Variants in UBL3 observed in about 807,000 individuals in gnomAD.
The protein encoded by UBL3 is ubiquitin-like protein 3.
Under a neutral mutation model 18.4 loss-of-function variants are expected in UBL3, and 6 were observed. That is an observed-to-expected ratio of 0.33 (90% CI 0.18 to 0.64). The LOEUF is 0.64. Ranked by LOEUF, UBL3 falls within the 30% of genes least tolerant of loss-of-function variation. The pLI is 0.76. For missense variants in UBL3, 109 were observed against 142.9 expected, an observed-to-expected ratio of 0.76 and a Z score of 1.21; for synonymous variants, 49 against 46.6, an observed-to-expected ratio of 1.05 and a Z score of -0.21.
chr13:29,788,858 TGTGTGTGTGTGTGCGCGCGCGCGC>T (rs1877397676), intron 1 of UBL3, among the ~76,000 whole-genome samples: 2 of 20,822 alleles, frequency 9.6e-5, no homozygotes, highest in African/African-American at 1.5e-4. Context: ...TGTGTGTGTG[TGTGTGTGTGTGTGCGCGCGCGCGC>T]GCACGCGCAC....
Position 29,777,722 on chromosome 13 carries a change from T to C in UBL3, c.28-459A>G, listed in dbSNP as rs561803982. ...AAAAGAAAATAAACTATATACAAGT[T>C]TTTTTCCTATGAAAATTATTAAAAC... is the stretch of plus-strand genomic sequence containing the variant. On this transcript the variant is annotated intron_variant, in intron 1 of 4. Coordinates refer to ENST00000380680, the MANE Select transcript of UBL3 (RefSeq NM_007106.4). 3.3e-5 allele frequency among the ~76,000 whole-genome samples: 5 copies of C among 152,308 alleles called. No homozygotes were observed. In the South Asian group the frequency reaches 6.2e-4, roughly 19 times the overall value.
At chr13:29,801,969 G>A (rs1421835441) in intron 1 of UBL3, among the ~76,000 whole-genome samples, 1 of 152,196 alleles carries the variant, frequency 6.6e-6, no homozygotes, top group Non-Finnish European at 1.5e-5. Context: ...TGAAGCCTGA[G>A]CTCATCCAAG....
intron 1 of UBL3, among the ~76,000 whole-genome samples, chr13:29,809,056 A>G (rs1227861132): frequency 3.3e-5 from 5 of 152,190 alleles, no homozygotes; most frequent in Admixed American, 2.6e-4. Context: ...AAAAATTTTG[A>G]GCACCTACCC....
At chr13:29,787,150 C>T (rs1347682182) in intron 1 of UBL3, among the ~76,000 whole-genome samples, 2 of 152,030 alleles carry the variant, frequency 1.3e-5, no homozygotes, top group African/African-American at 4.8e-5. Context: ...TAATTAGCCT[C>T]CTTGCTTTCT....
chr13:29,808,477 A>G (rs1877952726), intron 1 of UBL3, among the ~76,000 whole-genome samples: 1 of 152,176 alleles, frequency 6.6e-6, no homozygotes, highest in Admixed American at 6.6e-5. Flanking sequence ...GTTATCAATC[A>G]TACTACTTAA....
At chr13:29,831,370 A>G (rs952514558) in intron 1 of UBL3, among the ~76,000 whole-genome samples, 2 of 152,102 alleles carry the variant, frequency 1.3e-5, no homozygotes, top group African/African-American at 4.8e-5. Context: ...TGGGTGGATC[A>G]CCTGAGGTCA....
chr13:29,767,283 C>T lies in UBL3; in HGVS notation c.326G>A (p.Gly109Glu), dbSNP rs2139303827. The T allele has an allele frequency of 1.2e-6, 2 of 1,613,240 alleles. No homozygotes were observed. Among genetic ancestry groups the T allele is most frequent in the Non-Finnish European group, 1.7e-6 (2 of 1,179,362 alleles). Residue 109 changes from glycine to glutamate, a missense_variant, in exon 5 of 5, where the codon GGA becomes GAA. Coordinates refer to ENST00000380680, the MANE Select transcript of UBL3 (RefSeq NM_007106.4). Reference protein sequence around the residue: ...SQGQRNREKTGESNCCVIL With the variant: ...SQGQRNREKTEESNCCVIL ...CAGGATTACACAACAATTACTCTCT[C>T]CAGTCTTCTCACGATTCCTCTGACC...
At chr13:29,777,334 TTTTCA>T in intron 1 of UBL3, 71 bp from the exon 2 acceptor site, 2 of 1,227,722 alleles carry the variant, frequency 1.6e-6, no homozygotes, top group Non-Finnish European at 2.3e-6. Flanking sequence ...ACTCAAAGGC[TTTTCA>T]TTTCAATCAC....
intron 1 of UBL3, among the ~76,000 whole-genome samples, chr13:29,796,539 G>A (rs1329405491): frequency 6.6e-6 from 1 of 151,974 alleles, no homozygotes; most frequent in African/African-American, 2.4e-5. Context: ...TAAATGTTAT[G>A]GTACTACAAA....
At chr13:29,829,314 C>G (rs1878707875) in intron 1 of UBL3, among the ~76,000 whole-genome samples, 1 of 152,224 alleles carries the variant, frequency 6.6e-6, no homozygotes, top group Non-Finnish European at 1.5e-5. Context: ...AGGCAGGCCT[C>G]CCTGAGCTGT....
At chr13:29,779,848 G>A (rs1877101011) in intron 1 of UBL3, among the ~76,000 whole-genome samples, 1 of 152,210 alleles carries the variant, frequency 6.6e-6, no homozygotes, top group Non-Finnish European at 1.5e-5. Context: ...AAGTGACTGT[G>A]TCTGGAGGAT....
intron 1 of UBL3, among the ~76,000 whole-genome samples, chr13:29,825,007 A>G (rs1483888050): frequency 1.3e-5 from 2 of 152,212 alleles, no homozygotes; most frequent in African/African-American, 4.8e-5. Context: ...GTCAAAGATC[A>G]GATGGTTGTA....
intron 1 of UBL3, among the ~76,000 whole-genome samples, chr13:29,835,904 A>C (rs896289688): frequency 6.6e-6 from 1 of 152,158 alleles, no homozygotes; most frequent in Non-Finnish European, 1.5e-5. Flanking sequence ...GAGATGACAT[A>C]GTCATGTTAG....
At chr13:29,835,732 C>T (rs1190520158) in intron 1 of UBL3, among the ~76,000 whole-genome samples, 4 of 115,428 alleles carry the variant, frequency 3.5e-5, no homozygotes, top group Non-Finnish European at 4.9e-5. Context: ...TCCAGCCTGG[C>T]AACAGAGCTA....
chr13:29,783,513 T>C (rs1877231920), intron 1 of UBL3, among the ~76,000 whole-genome samples: 3 of 152,146 alleles, frequency 2.0e-5, no homozygotes, highest in African/African-American at 7.2e-5. Flanking sequence ...TTAGAAGAAA[T>C]CTTGAAAGCA....
At chr13:29,828,483 G>C (rs1026312829) in intron 1 of UBL3, among the ~76,000 whole-genome samples, 2 of 152,092 alleles carry the variant, frequency 1.3e-5, no homozygotes, top group Non-Finnish European at 1.5e-5. Flanking sequence ...ACTGAGGCTT[G>C]TGCATTTGTC....
intron 1 of UBL3, among the ~76,000 whole-genome samples, chr13:29,801,576 G>A (rs377254056): frequency 4.5e-4 from 68 of 152,084 alleles, no homozygotes; most frequent in African/African-American, 1.3e-3. Context: ...CACTAGCAAC[G>A]GCTCAGCATT....
chr13:29,827,955 A>T (rs1346248380), intron 1 of UBL3, among the ~76,000 whole-genome samples: 1 of 152,148 alleles, frequency 6.6e-6, no homozygotes, highest in Non-Finnish European at 1.5e-5. Flanking sequence ...GTTTGGCTGG[A>T]TATGAAATTC....
At chr13:29,799,223 C>A (rs575635371) in intron 1 of UBL3, among the ~76,000 whole-genome samples, 19 of 152,282 alleles carry the variant, frequency 1.2e-4, no homozygotes, top group Middle Eastern at 3.4e-3. Context: ...CCCCTGCCCC[C>A]GGCAAAGTTG....
Sources: allele counts gnomAD v4.1 joint callset (sites outside exome capture counted in the v4.1 genomes callset), GRCh38; gene constraint gnomAD v4.1.1; transcripts MANE v1.5; gene names NCBI Gene and HGNC (gene_info 2026-07-23, HGNC 2026-07-21).